SEMA6D: variants seen among roughly 807,000 people sequenced by gnomAD.
SEMA6D encodes the protein semaphorin-6D.
Under a neutral mutation model 106.6 loss-of-function variants are expected in SEMA6D, and 35 were observed. The ratio of observed to expected loss-of-function variants is 0.33; its 90% CI spans 0.25 to 0.44. The LOEUF (loss-of-function observed/expected upper bound fraction) is 0.44. Among genes scored for constraint, SEMA6D ranks in the 20% least tolerant of loss-of-function variants. The pLI, the probability that SEMA6D is intolerant of heterozygous loss-of-function variation, is 1.00. For synonymous variants in SEMA6D, 499 were observed against 487.7 expected (o/e 1.02, Z -0.31); for missense variants, 1,185 against 1,345.9 (o/e 0.88, Z 1.87).
At chr15:47,625,604 G>A (rs112053692) in intron 4 of SEMA6D, among the ~76,000 whole-genome samples, 26,799 of 151,818 alleles carry the variant, frequency 0.18, 2,915 homozygotes, top group South Asian at 0.33. Flanking sequence ...GCATGGTGGC[G>A]TGTACCTGTA....
At chr15:47,393,767 A>G (rs564044183) in intron 1 of SEMA6D, among the ~76,000 whole-genome samples, 2 of 152,340 alleles carry the variant, frequency 1.3e-5, no homozygotes, top group Non-Finnish European at 2.9e-5. Context: ...TTACTCATAA[A>G]TATGTTAGAA....
At chr15:47,220,672 A>G (rs2031112465) in intron 1 of SEMA6D, among the ~76,000 whole-genome samples, 1 of 152,098 alleles carries the variant, frequency 6.6e-6, no homozygotes, top group Non-Finnish European at 1.5e-5. Flanking sequence ...TTTATTCTCA[A>G]CTCTCACTGC....
At chr15:47,329,934 G>A (rs1215544822) in intron 1 of SEMA6D, among the ~76,000 whole-genome samples, 4 of 152,172 alleles carry the variant, frequency 2.6e-5, no homozygotes, top group East Asian at 1.9e-4. Flanking sequence ...TTTGTGATCA[G>A]CTTCCTGCCT....
chr15:47,309,930 ATTG>A (rs1277672849), intron 1 of SEMA6D, among the ~76,000 whole-genome samples: 1 of 152,200 alleles, frequency 6.6e-6, no homozygotes, highest in Non-Finnish European at 1.5e-5. Context: ...AAGTTGAACC[ATTG>A]TTAAGTTGGG....
At chr15:47,186,559 T>C (rs1893589662) in intron 1 of SEMA6D, among the ~76,000 whole-genome samples, 1 of 152,116 alleles carries the variant, frequency 6.6e-6, no homozygotes, top group Admixed American at 6.5e-5. Flanking sequence ...AACTATTATA[T>C]TTTCAACTCT....
chr15:47,543,722 G>A (rs1315758804), intron 3 of SEMA6D, among the ~76,000 whole-genome samples: 1 of 152,008 alleles, frequency 6.6e-6, no homozygotes, highest in African/African-American at 2.4e-5. Context: ...GATCTGCAGT[G>A]TTTCCTTCAA....
At chr15:47,627,454 C>T (rs367670246) in intron 4 of SEMA6D, among the ~76,000 whole-genome samples, 54 of 152,256 alleles carry the variant, frequency 3.5e-4, no homozygotes, top group South Asian at 1.2e-3. Flanking sequence ...TTTCCTAAAT[C>T]AATTTAGTTC....
At chr15:47,523,951 C>A (rs562107571) in intron 3 of SEMA6D, among the ~76,000 whole-genome samples, 1 of 152,146 alleles carries the variant, frequency 6.6e-6, no homozygotes, top group African/African-American at 2.4e-5. Flanking sequence ...ACAAACAAAG[C>A]GGTTTCATTT....
At chr15:47,677,540 G>A (rs1002228817) in intron 4 of SEMA6D, among the ~76,000 whole-genome samples, 1 of 152,186 alleles carries the variant, frequency 6.6e-6, no homozygotes, top group African/African-American at 2.4e-5. Flanking sequence ...AGAAGCATGT[G>A]GAATGGGAGA....
intron 4 of SEMA6D, among the ~76,000 whole-genome samples, chr15:47,661,513 C>T (rs144928622): frequency 6.6e-6 from 1 of 152,348 alleles, no homozygotes; most frequent in Non-Finnish European, 1.5e-5. Context: ...GAAGAGCTGG[C>T]TTCTCCCATT....
At chr15:47,699,379 G>A (rs966898683) in intron 4 of SEMA6D, among the ~76,000 whole-genome samples, 2 of 152,100 alleles carry the variant, frequency 1.3e-5, no homozygotes, top group Non-Finnish European at 2.9e-5. Flanking sequence ...TTATACATGA[G>A]GAAATTAAAA....
chr15:47,741,936 A>G (rs754693052), intron 1 of SEMA6D, among the ~76,000 whole-genome samples: 5 of 152,158 alleles, frequency 3.3e-5, no homozygotes, highest in Admixed American at 6.5e-5. Flanking sequence ...AAATGGATAG[A>G]GTGTCCTGCG....
At chr15:47,215,296 C>A (rs1389010817) in intron 1 of SEMA6D, among the ~76,000 whole-genome samples, 1 of 151,608 alleles carries the variant, frequency 6.6e-6, no homozygotes, top group African/African-American at 2.4e-5. Context: ...ATTATTGGAA[C>A]CAGGTTATAG....
intron 4 of SEMA6D, among the ~76,000 whole-genome samples, chr15:47,674,937 GTCTCTTA>G (rs1471432805): frequency 6.6e-6 from 1 of 152,258 alleles, no homozygotes; most frequent in East Asian, 1.9e-4. Context: ...CAAATTCTAG[GTCTCTTA>G]GAAGACCTCC....
chr15:47,505,440 G>A (rs1187899825), intron 3 of SEMA6D, among the ~76,000 whole-genome samples: 4 of 152,180 alleles, frequency 2.6e-5, no homozygotes, highest in Admixed American at 6.5e-5. Context: ...TAGACCTTCC[G>A]TAAACACCAA....
At chr15:47,303,279 A>G (rs775728619) in intron 1 of SEMA6D, among the ~76,000 whole-genome samples, 13 of 152,238 alleles carry the variant, frequency 8.5e-5, no homozygotes, top group Non-Finnish European at 1.5e-4. Flanking sequence ...TATTATGCAT[A>G]GGTTTCACTT....
chr15:47,292,667 G>A (rs75621057), intron 1 of SEMA6D, among the ~76,000 whole-genome samples: 3 of 152,230 alleles, frequency 2.0e-5, no homozygotes, highest in Non-Finnish European at 4.4e-5. Flanking sequence ...ACAAATAAAC[G>A]TGATAAGGGC....
chr15:47,707,992 T>C (rs2078945423), intron 4 of SEMA6D, among the ~76,000 whole-genome samples: 1 of 152,214 alleles, frequency 6.6e-6, no homozygotes, highest in Admixed American at 6.5e-5. Context: ...CCAACTCTGC[T>C]GTGTCTTCTG....
chr15:47,540,478 T>A (rs2045321775), intron 3 of SEMA6D, among the ~76,000 whole-genome samples: 1 of 152,106 alleles, frequency 6.6e-6, no homozygotes, highest in Non-Finnish European at 1.5e-5. Context: ...AGTCATAAAT[T>A]GAGTCTCTCC....
Sources: gnomAD v4.1 joint callset for allele counts (sites outside exome capture counted in the v4.1 genomes callset) on GRCh38, gnomAD v4.1.1 for gene constraint, MANE v1.5 for transcripts, NCBI Gene and HGNC (gene_info 2026-07-23, HGNC 2026-07-21) for gene names.